The following RBFOX1 variants were observed in gnomAD, a reference collection of about 807,000 sequenced individuals.
RBFOX1 encodes RNA binding protein fox-1 homolog 1.
A neutral mutation model predicts 57.7 loss-of-function variants in RBFOX1; 8 were observed. That is an observed-to-expected ratio of 0.14 (90% CI 0.08 to 0.25). RBFOX1 has a LOEUF of 0.25. RBFOX1 is among the 10% of genes least tolerant of loss of function. The pLI is 1.00. For synonymous variants in RBFOX1, 326 were observed against 222.4 expected (o/e 1.47, Z -4.15); for missense variants, 611 against 548.5 (o/e 1.11, Z -1.14).
At chr16:6,327,167 A>G (rs959475817) in intron 2 of RBFOX1, among the ~76,000 whole-genome samples, 2 of 152,162 alleles carry the variant, frequency 1.3e-5, no homozygotes, top group African/African-American at 4.8e-5. Context: ...AGCTGTGGTC[A>G]TCATGGGCTT....
intron 1 of RBFOX1, among the ~76,000 whole-genome samples, chr16:5,403,828 G>T (rs1377085107): frequency 1.3e-5 from 2 of 152,096 alleles, no homozygotes; most frequent in African/African-American, 2.4e-5. Context: ...CCTCACTCCT[G>T]GGTCCCAACT....
intron 1 of RBFOX1, among the ~76,000 whole-genome samples, chr16:6,143,959 C>CCA (rs71404590): frequency 7.1e-6 from 1 of 139,958 alleles, no homozygotes; most frequent in African/African-American, 2.8e-5. Context: ...CCATACTCAG[C>CCA]TATATATATA....
chr16:7,045,177 G>A (rs1040291094), intron 3 of RBFOX1, among the ~76,000 whole-genome samples: 2 of 152,118 alleles, frequency 1.3e-5, no homozygotes, highest in African/African-American at 4.8e-5. Context: ...AATTGGCCAG[G>A]GACTCCCACT....
intron 1 of RBFOX1, among the ~76,000 whole-genome samples, chr16:5,403,021 C>G (rs544540750): frequency 6.6e-6 from 1 of 152,260 alleles, no homozygotes; most frequent in South Asian, 2.1e-4. Context: ...CATGCACACA[C>G]GTATACACAA....
intron 1 of RBFOX1, among the ~76,000 whole-genome samples, chr16:6,119,522 A>G (rs549910486): frequency 2.0e-5 from 3 of 152,118 alleles, no homozygotes; most frequent in African/African-American, 4.8e-5. Flanking sequence ...CCCAATGGTG[A>G]TTTTCAATTT....
chr16:6,182,773 C>G (rs1461827915), intron 1 of RBFOX1, among the ~76,000 whole-genome samples: 2 of 152,170 alleles, frequency 1.3e-5, no homozygotes, highest in Non-Finnish European at 2.9e-5. Flanking sequence ...ATCCTTTATG[C>G]TCTTACTGAA....
At chr16:6,845,770 A>C (rs1371459226) in intron 3 of RBFOX1, among the ~76,000 whole-genome samples, 1 of 152,306 alleles carries the variant, frequency 6.6e-6, no homozygotes, top group African/African-American at 2.4e-5. Context: ...CTGGTCTTTT[A>C]TCAGATCCTC....
intron 4 of RBFOX1, among the ~76,000 whole-genome samples, chr16:7,392,319 C>A (rs572212506): frequency 6.6e-6 from 1 of 152,232 alleles, no homozygotes; most frequent in African/African-American, 2.4e-5. Context: ...GATCACGTCC[C>A]AAAATTATAA....
At chr16:5,260,010 G>A (rs1387868092) in intron 1 of RBFOX1, among the ~76,000 whole-genome samples, 1 of 152,152 alleles carries the variant, frequency 6.6e-6, no homozygotes, top group Non-Finnish European at 1.5e-5. Context: ...AGACCAGCCT[G>A]GACGACATGA....
At chr16:6,637,708 C>T (rs977755959) in intron 2 of RBFOX1, among the ~76,000 whole-genome samples, 11 of 151,004 alleles carry the variant, frequency 7.3e-5, no homozygotes, top group Non-Finnish European at 1.2e-4. Flanking sequence ...GTACAGCTGA[C>T]CATGAGTACA....
At chr16:6,229,401 C>A (rs2097441706) in intron 1 of RBFOX1, among the ~76,000 whole-genome samples, 1 of 152,150 alleles carries the variant, frequency 6.6e-6, no homozygotes, top group South Asian at 2.1e-4. Context: ...TCTCGTTTTC[C>A]CCCTATCTTT....
At chr16:5,975,018 T>C (rs934505885) in intron 4 of RBFOX1, among the ~76,000 whole-genome samples, 10 of 151,930 alleles carry the variant, frequency 6.6e-5, no homozygotes, top group African/African-American at 1.9e-4. Flanking sequence ...CAAAAATAAA[T>C]AAATAAATAA....
At chr16:5,661,238 A>C (rs2049637335) in intron 3 of RBFOX1, among the ~76,000 whole-genome samples, 1 of 151,024 alleles carries the variant, frequency 6.6e-6, no homozygotes, top group African/African-American at 2.5e-5. Flanking sequence ...ATGGAAGGAA[A>C]ATATAACAAT....
intron 2 of RBFOX1, among the ~76,000 whole-genome samples, chr16:6,434,870 A>T (rs1413207754): frequency 6.6e-6 from 1 of 152,186 alleles, no homozygotes; most frequent in East Asian, 1.9e-4. Context: ...CTGAGTTATT[A>T]CTATGTGCTA....
At chr16:7,585,565 C>T (rs906214971) in intron 6 of RBFOX1, among the ~76,000 whole-genome samples, 5 of 152,214 alleles carry the variant, frequency 3.3e-5, no homozygotes, top group Non-Finnish European at 5.9e-5. Flanking sequence ...GTGATTCCCC[C>T]GGCTGTATAG....
intron 3 of RBFOX1, among the ~76,000 whole-genome samples, chr16:5,697,245 G>C (rs1350696296): frequency 6.6e-6 from 1 of 151,522 alleles, no homozygotes; most frequent in East Asian, 1.9e-4. Context: ...TCTATTAATG[G>C]TGTTCACGTC....
chr16:6,825,558 C>T (rs1025655321), intron 3 of RBFOX1, among the ~76,000 whole-genome samples: 6 of 152,160 alleles, frequency 3.9e-5, no homozygotes, highest in Non-Finnish European at 5.9e-5. Flanking sequence ...CAGGTACCTA[C>T]GCACGTGTGA....
chr16:7,487,347 A>G (rs1242825167), intron 4 of RBFOX1, among the ~76,000 whole-genome samples: 6 of 152,044 alleles, frequency 3.9e-5, no homozygotes, highest in South Asian at 2.1e-4. Flanking sequence ...CATCACATGT[A>G]TGGGTCATTG....
chr16:7,102,462 G>C (rs1017479660), intron 4 of RBFOX1, among the ~76,000 whole-genome samples: 5 of 152,204 alleles, frequency 3.3e-5, no homozygotes, highest in African/African-American at 1.2e-4. Flanking sequence ...AACATGCCAG[G>C]ATATTTATGA....
Sources: gnomAD v4.1 joint callset for allele counts (sites outside exome capture counted in the v4.1 genomes callset) on GRCh38, gnomAD v4.1.1 for gene constraint, MANE v1.5 for transcripts, NCBI Gene and HGNC (gene_info 2026-07-23, HGNC 2026-07-21) for gene names.